The following GRAMD2B variants were observed in gnomAD, a reference collection of about 807,000 sequenced individuals.
GRAMD2B encodes the protein GRAM domain containing 2B.
GRAMD2B carries 41 observed loss-of-function variants against 59.2 expected under a neutral mutation model. That is an observed-to-expected ratio of 0.69 (90% CI 0.54 to 0.90). The LOEUF is 0.90. Ranked by LOEUF, GRAMD2B falls within the 40% of genes least tolerant of loss-of-function variation. The pLI is 0.00. For synonymous variants in GRAMD2B, 161 were observed against 182.7 expected, an observed-to-expected ratio of 0.88 and a Z score of 0.96; for missense variants, 424 against 500.5, an observed-to-expected ratio of 0.85 and a Z score of 1.46.
chr5:126,364,168 G>T (rs1754341343), intron 1 of GRAMD2B, among the ~76,000 whole-genome samples: 1 of 152,064 alleles, frequency 6.6e-6, no homozygotes, highest in Non-Finnish European at 1.5e-5. Flanking sequence ...CTATTTGGTA[G>T]GTACTATTAT....
chr5:126,452,712 T>A (rs1765587098), intron 1 of GRAMD2B, among the ~76,000 whole-genome samples: 1 of 152,170 alleles, frequency 6.6e-6, no homozygotes, highest in Non-Finnish European at 1.5e-5. Context: ...TTCTCCTCCT[T>A]TGTATACTAG....
chr5:126,484,810 C>T (rs1772592753), intron 10 of GRAMD2B, among the ~76,000 whole-genome samples: 1 of 152,072 alleles, frequency 6.6e-6, no homozygotes, highest in African/African-American at 2.4e-5. Context: ...TCTCGAACTC[C>T]TGACCTCTAG....
upstream of GRAMD2B, among the ~76,000 whole-genome samples, chr5:126,368,792 A>G (rs1002815399): frequency 3.3e-5 from 5 of 152,232 alleles, no homozygotes; most frequent in Non-Finnish European, 4.4e-5. Context: ...CTTACATAAG[A>G]GTTCAGCCAA....
At chr5:126,484,279 G>C in intron 9 of GRAMD2B, 123 bp from the exon 10 acceptor site, 13 of 1,130,596 alleles carry the variant, frequency 1.1e-5, no homozygotes, top group Non-Finnish European at 1.6e-5. Flanking sequence ...CAACTAACTT[G>C]TGAGACCATC....
At chr5:126,455,598 T>C (rs12655068) in intron 1 of GRAMD2B, among the ~76,000 whole-genome samples, 47,488 of 151,926 alleles carry the variant, frequency 0.31, 7,799 homozygotes, top group East Asian at 0.59. Flanking sequence ...ATAACTACAG[T>C]GTTTCTTTGG....
chr5:126,363,715 G>C (rs1358017637), intron 1 of GRAMD2B, among the ~76,000 whole-genome samples: 4 of 152,120 alleles, frequency 2.6e-5, no homozygotes, highest in Non-Finnish European at 5.9e-5. Context: ...GAAATGTCCA[G>C]AATAGGTACT....
At chr5:126,484,634 A>G in intron 10 of GRAMD2B, 110 bp downstream of exon 10, 1 of 1,133,852 alleles carries the variant, frequency 8.8e-7, no homozygotes. Context: ...AGGCTGCTGT[A>G]GTGCAATAAC....
At chr5:126,411,191 A>G (rs1758753047) in intron 1 of GRAMD2B, among the ~76,000 whole-genome samples, 1 of 152,000 alleles carries the variant, frequency 6.6e-6, no homozygotes, top group Non-Finnish European at 1.5e-5. Flanking sequence ...CCAATGTCCA[A>G]AATGGTGTTT....
At chr5:126,391,435 T>C (rs1756773053) in intron 1 of GRAMD2B, among the ~76,000 whole-genome samples, 1 of 151,530 alleles carries the variant, frequency 6.6e-6, no homozygotes, top group Non-Finnish European at 1.5e-5. Context: ...TCCACAGCAG[T>C]ATTATTTATA....
chr5:126,427,589 A>T (rs955383005), intron 1 of GRAMD2B, among the ~76,000 whole-genome samples: 2 of 152,222 alleles, frequency 1.3e-5, no homozygotes, highest in African/African-American at 4.8e-5. Context: ...CATTTACCTT[A>T]AAAGGAAGCG....
At chr5:126,375,893 G>A (rs925956216) in intron 1 of GRAMD2B, among the ~76,000 whole-genome samples, 1 of 152,154 alleles carries the variant, frequency 6.6e-6, no homozygotes, top group Non-Finnish European at 1.5e-5. Flanking sequence ...CCTCCATTGA[G>A]TTAATCCCCA....
At chr5:126,386,128 G>C (rs1374830753) in intron 1 of GRAMD2B, among the ~76,000 whole-genome samples, 1 of 152,158 alleles carries the variant, frequency 6.6e-6, no homozygotes, top group Non-Finnish European at 1.5e-5. Context: ...TTTTCTTTTA[G>C]AGGTTGTATT....
At chr5:126,455,102 G>T (rs1766042292) in intron 1 of GRAMD2B, among the ~76,000 whole-genome samples, 1 of 152,038 alleles carries the variant, frequency 6.6e-6, no homozygotes, top group African/African-American at 2.4e-5. Flanking sequence ...TTCCAATGTT[G>T]TCTCTGGATT....
chr5:126,436,845 A>C (rs1192260104), intron 1 of GRAMD2B, among the ~76,000 whole-genome samples: 5 of 152,186 alleles, frequency 3.3e-5, no homozygotes, highest in African/African-American at 9.6e-5. Flanking sequence ...ATTTTGAAGG[A>C]GGAATAGGAG....
chr5:126,483,150 C>T (rs1052241187), intron 8 of GRAMD2B, among the ~76,000 whole-genome samples: 5 of 152,112 alleles, frequency 3.3e-5, no homozygotes, highest in African/African-American at 1.2e-4. Flanking sequence ...TTTCTCATTA[C>T]GAAGTGCTAA....
intron 1 of GRAMD2B, among the ~76,000 whole-genome samples, chr5:126,378,106 A>G (rs187480886): frequency 1.0e-3 from 154 of 152,340 alleles, no homozygotes; most frequent in African/African-American, 3.6e-3. Context: ...CCGAAGTAAT[A>G]CTAAAAACAC....
upstream of GRAMD2B, chr5:126,371,206 T>C: frequency 1.6e-6 from 1 of 621,828 alleles, no homozygotes; most frequent in Non-Finnish European, 2.1e-6. Flanking sequence ...CCCAAACACA[T>C]TTATTTCTTT....
intron 1 of GRAMD2B, among the ~76,000 whole-genome samples, chr5:126,430,579 C>T (rs573635301): frequency 4.6e-5 from 7 of 152,178 alleles, no homozygotes; most frequent in African/African-American, 1.2e-4. Flanking sequence ...TATGAATCTG[C>T]CTTTTCTGGG....
At position 126,423,521 on chromosome 5, in the gene GRAMD2B, C is replaced by T; in HGVS notation, c.-86C>T. ...GAGGGCACGGCGCCGCTTGCTTGGCCTGCGCACCCGGACCTAGAAGCCGGG... is the reference window on the plus strand; with the variant it reads ...GAGGGCACGGCGCCGCTTGCTTGGCTTGCGCACCCGGACCTAGAAGCCGGG... On this transcript the variant is annotated 5_prime_UTR_variant, in exon 1 of 14. Coordinates refer to ENST00000285689, the MANE Select transcript of GRAMD2B (RefSeq NM_023927.4). The T allele has an allele frequency of 1.9e-6, 3 of 1,551,752 alleles. No homozygotes were observed. The highest frequency in any genetic ancestry group is 2.6e-6 in the Non-Finnish European group (3 of 1,150,530).
Sources: allele counts gnomAD v4.1 joint callset (sites outside exome capture counted in the v4.1 genomes callset), GRCh38; gene constraint gnomAD v4.1.1; transcripts MANE v1.5; gene names NCBI Gene and HGNC (gene_info 2026-07-23, HGNC 2026-07-21).